The following PARD3 variants were observed in gnomAD, a reference collection of about 807,000 sequenced individuals.
The protein encoded by PARD3 is par-3 family cell polarity regulator, also known as partitioning defective 3 homolog.
PARD3 carries 75 observed loss-of-function variants against 155.4 expected under a neutral mutation model. That is an observed-to-expected ratio of 0.48 (90% confidence interval 0.40 to 0.58). PARD3 has a LOEUF of 0.58. Ranked by LOEUF, PARD3 falls within the 20% of genes least tolerant of loss-of-function variation. PARD3 has a pLI of 0.00. For synonymous variants in PARD3, 576 were observed against 610.5 expected (o/e 0.94, Z 0.83); for missense variants, 1,642 against 1,721.7 (o/e 0.95, Z 0.82).
intron 22 of PARD3, among the ~76,000 whole-genome samples, chr10:34,137,556 A>G (rs1947966084): frequency 6.6e-6 from 1 of 152,244 alleles, no homozygotes; most frequent in Non-Finnish European, 1.5e-5. Flanking sequence ...TTTGTTTTGT[A>G]GCAAAAGAAA....
chr10:34,646,527 T>G (rs1026679318), intron 2 of PARD3, among the ~76,000 whole-genome samples: 2 of 152,184 alleles, frequency 1.3e-5, no homozygotes, highest in African/African-American at 4.8e-5. Context: ...ATAATAGTAA[T>G]AAGGTAATAA....
chr10:34,495,542 A>T (rs1564778555), intron 3 of PARD3, among the ~76,000 whole-genome samples: 1 of 152,238 alleles, frequency 6.6e-6, no homozygotes, highest in African/African-American at 2.4e-5. Context: ...GCAAAATAAA[A>T]GCAATAATTC....
chr10:34,229,919 G>A (rs956406994), intron 22 of PARD3, among the ~76,000 whole-genome samples: 4 of 152,050 alleles, frequency 2.6e-5, no homozygotes, highest in African/African-American at 7.3e-5. Flanking sequence ...AAAGTCTTAA[G>A]TGAGAACTAT....
chr10:34,438,475 C>A (rs181398605), intron 5 of PARD3, among the ~76,000 whole-genome samples: 84 of 152,102 alleles, frequency 5.5e-4, no homozygotes, highest in African/African-American at 2.0e-3. Flanking sequence ...GTTTATAGCC[C>A]ATAATTAATG....
chr10:34,522,012 T>C (rs746748869), intron 2 of PARD3, among the ~76,000 whole-genome samples: 21 of 152,190 alleles, frequency 1.4e-4, no homozygotes, highest in Admixed American at 9.2e-4. Flanking sequence ...GACAGAATAA[T>C]GGTCTCCCCA....
At chr10:34,362,293 T>C (rs7895534) in intron 12 of PARD3, among the ~76,000 whole-genome samples, 90,415 of 151,964 alleles carry the variant, frequency 0.59, 28,918 homozygotes, top group African/African-American at 0.85. Flanking sequence ...AGCAAGACTC[T>C]GTCCCATAAC....
At chr10:34,614,131 G>C (rs1230057323) in intron 2 of PARD3, among the ~76,000 whole-genome samples, 1 of 152,178 alleles carries the variant, frequency 6.6e-6, no homozygotes, top group Non-Finnish European at 1.5e-5. Flanking sequence ...CTGTAAAAAT[G>C]TATTCCTTCT....
chr10:34,458,476 T>C (rs982328371), intron 4 of PARD3, among the ~76,000 whole-genome samples: 1 of 152,170 alleles, frequency 6.6e-6, no homozygotes, highest in Admixed American at 6.5e-5. Flanking sequence ...GTGCTGAGAT[T>C]ACAGGTGTGA....
intron 15 of PARD3, among the ~76,000 whole-genome samples, chr10:34,347,133 C>T (rs1311878862): frequency 6.6e-6 from 1 of 152,214 alleles, no homozygotes; most frequent in African/African-American, 2.4e-5. Context: ...TAGGGTTTTA[C>T]TTTAAATGAG....
chr10:34,533,053 G>A (rs546176864), intron 2 of PARD3, among the ~76,000 whole-genome samples: 2 of 152,330 alleles, frequency 1.3e-5, no homozygotes, highest in South Asian at 4.1e-4. Context: ...ACAATGGTAA[G>A]TATTTGTATA....
intron 5 of PARD3, among the ~76,000 whole-genome samples, chr10:34,438,190 T>C (rs971712083): frequency 1.3e-5 from 2 of 152,182 alleles, no homozygotes; most frequent in African/African-American, 4.8e-5. Context: ...CAAGACATTC[T>C]TGAAGAAAGT....
At chr10:34,163,199 T>G (rs914567181) in intron 22 of PARD3, among the ~76,000 whole-genome samples, 1 of 152,104 alleles carries the variant, frequency 6.6e-6, no homozygotes, top group African/African-American at 2.4e-5. Context: ...CGTATTCACC[T>G]AGGAAGTTAA....
intron 2 of PARD3, among the ~76,000 whole-genome samples, chr10:34,657,911 C>A (rs2093220197): frequency 6.6e-6 from 1 of 151,884 alleles, no homozygotes; most frequent in Non-Finnish European, 1.5e-5. Flanking sequence ...CTTTGGGAGG[C>A]CGAGGTGGGC....
At chr10:34,491,259 A>T (rs1681220583) in intron 3 of PARD3, among the ~76,000 whole-genome samples, 1 of 152,178 alleles carries the variant, frequency 6.6e-6, no homozygotes, top group Admixed American at 6.5e-5. Context: ...AATGTAATTA[A>T]TTTTTTAGTA....
intron 2 of PARD3, among the ~76,000 whole-genome samples, chr10:34,670,122 T>C (rs1590544043): frequency 2.0e-5 from 3 of 152,384 alleles, no homozygotes; most frequent in Admixed American, 2.0e-4. Context: ...TTATCCGTGC[T>C]CTTATCACGT....
At chr10:34,722,471 T>C (rs1373672663) in intron 1 of PARD3, among the ~76,000 whole-genome samples, 1 of 152,186 alleles carries the variant, frequency 6.6e-6, no homozygotes, top group Non-Finnish European at 1.5e-5. Context: ...AACATCCATG[T>C]ATGTGTTTTG....
At chr10:34,740,403 A>T (rs547111490) in intron 1 of PARD3, among the ~76,000 whole-genome samples, 1 of 152,346 alleles carries the variant, frequency 6.6e-6, no homozygotes, top group Non-Finnish European at 1.5e-5. Context: ...TATCCTTCTG[A>T]TGCCACCTCT....
At chr10:34,619,922 G>A (rs1487873979) in intron 2 of PARD3, among the ~76,000 whole-genome samples, 1 of 151,974 alleles carries the variant, frequency 6.6e-6, no homozygotes, top group Non-Finnish European at 1.5e-5. Context: ...CTCTGTTTCT[G>A]CATAATATAA....
In PARD3 at chr10:34,338,250, T is replaced by C. The variant is rs113160299; in HGVS notation, c.2409-824A>G. Among the ~76,000 whole-genome samples, 847 of 152,358 alleles carry C rather than the reference T, an allele frequency of 5.6e-3. 7 individuals are homozygous for C. Among genetic ancestry groups the C allele is most frequent in the African/African-American group, 0.019 (803 of 41,582 alleles). ...GATAAGGAAGCATATGGCAAATCCC[T>C]GGTAACAGGATGCCTTCTGAAGTGT... On this transcript the variant is annotated intron_variant, in intron 16 of 24. Transcript: ENST00000374788.
Sources: gnomAD v4.1 joint callset for allele counts (sites outside exome capture counted in the v4.1 genomes callset) on GRCh38, gnomAD v4.1.1 for gene constraint, MANE v1.5 for transcripts, NCBI Gene and HGNC (gene_info 2026-07-23, HGNC 2026-07-21) for gene names.